RIBC2: variants seen among roughly 807,000 people sequenced by gnomAD.
The protein encoded by RIBC2 is RIB43A domain with coiled-coils 2.
In RIBC2, 40 loss-of-function variants were observed where a neutral mutation model predicts 44.3. The observed-to-expected ratio is 0.90, with a 90% CI of 0.70 to 1.18. The LOEUF is 1.18. RIBC2 is among the 50% of genes most tolerant of loss of function. The pLI, the probability that RIBC2 is intolerant of heterozygous loss-of-function variation, is 0.00. For missense variants in RIBC2, 459 were observed against 485.5 expected (o/e 0.95, Z 0.51); for synonymous variants, 171 against 175.0 (o/e 0.98, Z 0.18).
chr22:45,427,020 G>A (rs927980291), intron 5 of RIBC2, among the ~76,000 whole-genome samples: 2 of 152,138 alleles, frequency 1.3e-5, no homozygotes, highest in Non-Finnish European at 2.9e-5. Context: ...AAGGTGGTGG[G>A]AGGAGCAGGT....
At chr22:45,419,296 G>T (rs138191099) in intron 3 of RIBC2, among the ~76,000 whole-genome samples, 52 of 152,106 alleles carry the variant, frequency 3.4e-4, no homozygotes, top group African/African-American at 1.2e-3. Flanking sequence ...CTTCCCTGCA[G>T]ACCTGACCTT....
intron 4 of RIBC2, among the ~76,000 whole-genome samples, chr22:45,423,278 G>C (rs1040802101): frequency 2.0e-5 from 3 of 151,974 alleles, no homozygotes; most frequent in Non-Finnish European, 4.4e-5. Flanking sequence ...CCCTCTTTTC[G>C]TTTTGGAAAT....
In RIBC2 at chr22:45,422,322, G is replaced by C. The variant is rs1256643318; in HGVS notation, c.589G>C (p.Asp197His). 1 of 1,614,184 alleles carries C rather than the reference G, an allele frequency of 6.2e-7. No homozygotes were observed. The highest frequency in any genetic ancestry group is 8.5e-7 in the Non-Finnish European group (1 of 1,180,004). The change falls in exon 4 of 7, where the codon GAC (aspartate) becomes CAC (histidine). Residue 197 changes from aspartate to histidine, a missense_variant. By Grantham distance (81) the Asp-to-His change is moderately conservative (BLOSUM62 -1). Transcript: ENST00000614167. ...ALYTETRLQF[D>H]ETAKHLQKLE... ...CTACACAGAGACAAGGCTGCAGTTT[G>C]ACGAGACAGCCAAGCACCTCCAGAA... is the stretch of plus-strand genomic sequence containing the variant.
chr22:45,422,166 CATT>C lies in RIBC2; in HGVS notation c.557-120_557-118del, dbSNP rs1404306860. On this transcript the variant is annotated intron_variant, in intron 3 of 6. Transcript: ENST00000614167. ...CACAGCCTTCAGAGGCAGGTCCTGT[CATT>C]ATTGTTCCCGTCCTCATGCTCATGG... The C allele has an allele frequency of 5.6e-6, 4 of 712,226 alleles. No homozygotes were observed. The African/African-American group carries it at 7.0e-5, about 12-fold the overall frequency. 44.1% of individuals were successfully genotyped at this position (712,226 alleles called of 1,614,324 possible).
intron 3 of RIBC2, among the ~76,000 whole-genome samples, chr22:45,420,962 C>T (rs1338203538): frequency 1.3e-5 from 2 of 152,080 alleles, no homozygotes; most frequent in Non-Finnish European, 2.9e-5. Flanking sequence ...TTTGGGAGGC[C>T]GAGGTGGGTG....
chr22:45,423,778 A>C (rs2087508242), intron 4 of RIBC2, among the ~76,000 whole-genome samples: 1 of 152,210 alleles, frequency 6.6e-6, no homozygotes, highest in Non-Finnish European at 1.5e-5. Flanking sequence ...CAAAGGTCTT[A>C]GAGATCATCC....
intron 3 of RIBC2, among the ~76,000 whole-genome samples, chr22:45,420,109 G>A (rs757888916): frequency 1.3e-5 from 2 of 152,110 alleles, no homozygotes; most frequent in African/African-American, 4.8e-5. Flanking sequence ...CAGAGTAAAC[G>A]ATTTTTTTCA....
At chr22:45,415,119 A>G (rs2087408755) in intron 2 of RIBC2, among the ~76,000 whole-genome samples, 1 of 151,996 alleles carries the variant, frequency 6.6e-6, no homozygotes. Flanking sequence ...AGAGGCTAAA[A>G]CTAGAGGATC....
At chr22:45,424,352 C>T (rs930001495) in intron 4 of RIBC2, among the ~76,000 whole-genome samples, 30 of 151,012 alleles carry the variant, frequency 2.0e-4, no homozygotes, top group Non-Finnish European at 2.9e-4. Context: ...ATTGTGGCAT[C>T]AGGGTGTGGC....
chr22:45,425,766 C>A (rs896539947), intron 4 of RIBC2, among the ~76,000 whole-genome samples, 182 bp from the exon 5 acceptor site: 1 of 152,154 alleles, frequency 6.6e-6, no homozygotes, highest in Non-Finnish European at 1.5e-5. Context: ...CAGCAGTGCG[C>A]AGGCAGCCAG....
intron 2 of RIBC2, 85 bp downstream of exon 2, chr22:45,414,488 CTTTT>C: frequency 1.4e-6 from 1 of 701,254 alleles, no homozygotes; most frequent in Non-Finnish European, 2.1e-6. Flanking sequence ...CCTGCCCCGC[CTTTT>C]TTTTTTTATT....
In RIBC2 at chr22:45,414,080, G is replaced by T. The variant is rs1428021346; in HGVS notation, c.129+65G>T. The T allele has an allele frequency of 4.5e-6, 7 of 1,539,526 alleles. No individual in the cohort carries two copies. In the Admixed American group the frequency reaches 1.4e-4, roughly 31 times the overall value. On this transcript the variant is annotated intron_variant, in intron 1 of 6. Coordinates refer to ENST00000614167, the MANE Select transcript of RIBC2 (RefSeq NM_015653.5). ...TGCGGGCGAGGGGCTGCGTGGAGGG[G>T]GAAAGGAGATGAGTTCTAGGATGAA...
intron 4 of RIBC2, among the ~76,000 whole-genome samples, chr22:45,424,392 G>T (rs2087514448): frequency 6.7e-6 from 1 of 150,366 alleles, no homozygotes; most frequent in African/African-American, 2.5e-5. Flanking sequence ...ACCACACGGG[G>T]TGCAGACCAG....
At chr22:45,419,732 C>CAA (rs567543981) in intron 3 of RIBC2, among the ~76,000 whole-genome samples, 7 of 132,596 alleles carry the variant, frequency 5.3e-5, no homozygotes, top group Non-Finnish European at 9.7e-5. Flanking sequence ...AACCCTGTCT[C>CAA]AAAAAAAAAA....
At chr22:45,418,750 C>A (rs1350976542) in intron 3 of RIBC2, among the ~76,000 whole-genome samples, 7 of 152,022 alleles carry the variant, frequency 4.6e-5, no homozygotes, top group African/African-American at 1.7e-4. Context: ...TCTCCTTGCT[C>A]GGCCCATCCT....
At chr22:45,414,918 T>A (rs538483570) in intron 2 of RIBC2, among the ~76,000 whole-genome samples, 5 of 152,332 alleles carry the variant, frequency 3.3e-5, no homozygotes, top group Admixed American at 2.0e-4. Flanking sequence ...GAAGGACAGC[T>A]GTTTATACCA....
intron 3 of RIBC2, among the ~76,000 whole-genome samples, chr22:45,418,888 A>C (rs765224545): frequency 6.6e-6 from 1 of 152,054 alleles, no homozygotes; most frequent in Non-Finnish European, 1.5e-5. Flanking sequence ...GCCCTGGCCA[A>C]CCTCACCAGT....
intron 3 of RIBC2, among the ~76,000 whole-genome samples, chr22:45,420,085 G>A (rs143985591): frequency 3.3e-5 from 5 of 152,290 alleles, no homozygotes; most frequent in Non-Finnish European, 5.9e-5. Context: ...ATCCTACAGA[G>A]TAAACATTTC....
At position 45,426,496 on chromosome 22, in the gene RIBC2, C is replaced by G. The variant is rs141527970; in HGVS notation, c.903+321C>G. Among the ~76,000 whole-genome samples the G allele has an allele frequency of 1.2e-4, 19 of 152,370 alleles. No homozygotes were observed. The East Asian group carries it at 3.1e-3, about 25-fold the overall frequency. On this transcript the variant is annotated intron_variant, in intron 5 of 6. Coordinates refer to ENST00000614167, the MANE Select transcript of RIBC2 (RefSeq NM_015653.5). Reference sequence around the variant, plus strand: ...CAGGGTGAGCTGCAAGGGCAAAGGCCTTGAGGCAGGACCCTGCCAGACCTG... The same window carrying G: ...CAGGGTGAGCTGCAAGGGCAAAGGCGTTGAGGCAGGACCCTGCCAGACCTG...
Sources: gnomAD v4.1 joint callset for allele counts (sites outside exome capture counted in the v4.1 genomes callset) on GRCh38, gnomAD v4.1.1 for gene constraint, MANE v1.5 for transcripts, NCBI Gene and HGNC (gene_info 2026-07-23, HGNC 2026-07-21) for gene names.